CDON: variants seen among roughly 807,000 people sequenced by gnomAD.
The protein encoded by CDON is cell adhesion molecule-related/down-regulated by oncogenes.
In CDON, 73 loss-of-function variants were observed where a neutral mutation model predicts 120.9. The ratio of observed to expected loss-of-function variants is 0.60; its 90% CI spans 0.50 to 0.73. CDON has a LOEUF of 0.73. CDON is among the 30% of genes least tolerant of loss of function. The pLI, the probability that CDON is intolerant of heterozygous loss-of-function variation, is 0.00. For synonymous variants in CDON, 566 were observed against 573.5 expected, an observed-to-expected ratio of 0.99 and a Z score of 0.19; for missense variants, 1,470 against 1,587.3, an observed-to-expected ratio of 0.93 and a Z score of 1.26.
At chr11:126,042,948 G>C (rs571376478) in intron 1 of CDON, among the ~76,000 whole-genome samples, 112 of 152,270 alleles carry the variant, frequency 7.4e-4, no homozygotes, top group African/African-American at 2.7e-3. Flanking sequence ...ATTGAGGCAG[G>C]AGAATAGGGT....
In CDON at chr11:125,960,778, A is replaced by T. The variant is rs912393648; in HGVS notation, c.*164T>A. ...AACATTTAAGGCATAAATAATATAA[A>T]AGGGCACACGTTTTAAGATACATTC... On this transcript the variant is annotated 3_prime_UTR_variant, in exon 20 of 20. Transcript: ENST00000531738. The T allele has an allele frequency of 1.4e-5, 10 of 699,478 alleles. No homozygotes were observed. The highest frequency in any genetic ancestry group is 8.1e-4 in the Middle Eastern group (2 of 2,464). 43.3% of individuals were successfully genotyped at this position (699,478 alleles called of 1,614,324 possible).
intron 7 of CDON, among the ~76,000 whole-genome samples, chr11:126,011,671 C>T (rs940836328): frequency 3.3e-5 from 5 of 152,098 alleles, no homozygotes; most frequent in African/African-American, 1.2e-4. Context: ...TAATGTACTG[C>T]TTTTCTTTTC....
At chr11:126,003,858 A>AT in intron 10 of CDON, 44 bp downstream of exon 10, 1 of 1,541,284 alleles carries the variant, frequency 6.5e-7, no homozygotes, top group South Asian at 1.1e-5. Context: ...ATAAATTGAC[A>AT]TCAGGGCAGC....
At chr11:126,003,811 C>G in intron 10 of CDON, 91 bp downstream of exon 10, 1 of 1,178,218 alleles carries the variant, frequency 8.5e-7, no homozygotes, top group Non-Finnish European at 1.3e-6. Context: ...CAGAGCAAGA[C>G]TCCATCTCAA....
intron 11 of CDON, among the ~76,000 whole-genome samples, chr11:126,001,346 C>A (rs576085343): frequency 4.7e-4 from 71 of 152,118 alleles, no homozygotes; most frequent in African/African-American, 1.6e-3. Context: ...TGCCACCACA[C>A]CCAGCTAATT....
Position 126,029,441 on chromosome 11 carries a change from T to C in CDON, c.-61-5904A>G, listed in dbSNP as rs76778527. On this transcript the variant is annotated intron_variant, in intron 1 of 19. Transcript: ENST00000531738. Reference sequence around the variant, plus strand: ...ACACATGTTTCTCAAAATAAATTTGTATGCAAAAATTGCTGACACTCTAAG... The same window carrying C: ...ACACATGTTTCTCAAAATAAATTTGCATGCAAAAATTGCTGACACTCTAAG... Among the ~76,000 whole-genome samples, 172 of 152,348 alleles carry C rather than the reference T, an allele frequency of 1.1e-3. 2 individuals are homozygous for C. The highest frequency in any genetic ancestry group is 3.7e-3 in the African/African-American group (153 of 41,584).
At chr11:125,990,823 C>A (rs866530666) in intron 14 of CDON, among the ~76,000 whole-genome samples, 3 of 151,998 alleles carry the variant, frequency 2.0e-5, no homozygotes, top group African/African-American at 4.8e-5. Context: ...TGTACAGACC[C>A]GCGTTTTTTA....
Position 125,981,162 on chromosome 11 carries a change from T to C in CDON, c.3163A>G (p.Asn1055Asp). 1 of 1,614,140 alleles carries C rather than the reference T, an allele frequency of 6.2e-7. No individual in the cohort carries two copies. The change falls in exon 17 of 20, where the codon AAT (asparagine) becomes GAT (aspartate). Residue 1055 changes from asparagine to aspartate, a missense_variant. Physicochemically the swap from Asn to Asp is conservative, Grantham distance 23. Coordinates refer to ENST00000531738, the MANE Select transcript of CDON (RefSeq NM_001378964.1). ...CCATTCACAATTCCATTGACTGCAT[T>C]GGGGACCTTATGGTGAAGGTGGGAA... ...GYSHLHHKVP[N>D]AVNGIVNGSL...
At chr11:126,027,498 A>C (rs1483857458) in intron 1 of CDON, among the ~76,000 whole-genome samples, 1 of 152,200 alleles carries the variant, frequency 6.6e-6, no homozygotes, top group African/African-American at 2.4e-5. Flanking sequence ...TAATTTATTC[A>C]TATGTGTGTG....
rs781179839 is a variant in CDON, at chr11:125,994,981, G to A, written c.2434C>T (p.Pro812Ser). The A allele has an allele frequency of 2.5e-6, 4 of 1,614,100 alleles. No homozygotes were observed. The highest frequency in any genetic ancestry group is 3.4e-6 in the Non-Finnish European group (4 of 1,179,970). ...GESFRSSASR[P>S]YQVVGFPNRF... The stretch of plus-strand genomic sequence containing the variant: ...TTGGGGAACCCAACCACTTGATAAG[G>A]ACGAGATGCTGAACTCCGAAAACTC... Residue 812 changes from proline (P) to serine (S), a missense_variant, in exon 13 of 20, where the codon CCT (proline) becomes TCT (serine). Transcript: ENST00000531738.
intron 18 of CDON, among the ~76,000 whole-genome samples, chr11:125,977,764 C>G (rs1946186570): frequency 6.6e-6 from 1 of 151,966 alleles, no homozygotes; most frequent in African/African-American, 2.4e-5. Flanking sequence ...GAGTACATAC[C>G]ACTTTTAAAA....
chr11:126,021,202 T>C (rs1232594636), intron 3 of CDON, 46 bp downstream of exon 3: 2 of 1,582,830 alleles, frequency 1.3e-6, no homozygotes, highest in Non-Finnish European at 8.6e-7. Flanking sequence ...GCACTAACAG[T>C]AATTTCAAGA....
chr11:125,977,037 C>G (rs1591556406), intron 18 of CDON, among the ~76,000 whole-genome samples: 1 of 152,216 alleles, frequency 6.6e-6, no homozygotes, highest in Non-Finnish European at 1.5e-5. Context: ...CCACTTGTAA[C>G]TAAATCCGTC....
chr11:126,047,806 A>C (rs1948441067), intron 1 of CDON, among the ~76,000 whole-genome samples: 2 of 152,184 alleles, frequency 1.3e-5, no homozygotes, highest in South Asian at 2.1e-4. Flanking sequence ...TACACTGCCC[A>C]AAAATGCCTA....
At chr11:125,975,771 C>G (rs1463258003) in intron 18 of CDON, among the ~76,000 whole-genome samples, 1 of 152,198 alleles carries the variant, frequency 6.6e-6, no homozygotes, top group Non-Finnish European at 1.5e-5. Context: ...AGTTTGAGAA[C>G]CACTGAAGTC....
At chr11:126,055,954 T>C (rs944074726) in intron 1 of CDON, among the ~76,000 whole-genome samples, 7 of 152,222 alleles carry the variant, frequency 4.6e-5, no homozygotes, top group African/African-American at 1.7e-4. Flanking sequence ...GTTTAAAAAA[T>C]GTATTTATCC....
At chr11:125,994,519 T>G in intron 13 of CDON, 130 bp from the exon 14 acceptor site, 2 of 681,270 alleles carry the variant, frequency 2.9e-6, no homozygotes, top group South Asian at 3.3e-5. Flanking sequence ...ATGGCCATTT[T>G]TAATTTACTT....
intron 18 of CDON, among the ~76,000 whole-genome samples, chr11:125,974,751 C>A (rs1319592774): frequency 6.6e-6 from 1 of 152,134 alleles, no homozygotes; most frequent in Non-Finnish European, 1.5e-5. Context: ...CCAAGACCAG[C>A]ATTTTCATCT....
intron 18 of CDON, among the ~76,000 whole-genome samples, chr11:125,974,599 C>T (rs1271097811): frequency 1.3e-5 from 2 of 152,006 alleles, no homozygotes; most frequent in Non-Finnish European, 2.9e-5. Flanking sequence ...ATAAATGCAT[C>T]AAATAATTAA....
Sources: gnomAD v4.1 joint callset for allele counts (sites outside exome capture counted in the v4.1 genomes callset) on GRCh38, gnomAD v4.1.1 for gene constraint, MANE v1.5 for transcripts, NCBI Gene and HGNC (gene_info 2026-07-23, HGNC 2026-07-21) for gene names.